SBF2: variants seen among roughly 807,000 people sequenced by gnomAD.
The protein encoded by SBF2 is SET binding factor 2, also known as myotubularin-related protein 13.
SBF2 carries 112 observed loss-of-function variants against 225.2 expected under a neutral mutation model. The ratio of observed to expected loss-of-function variants is 0.50; its 90% CI spans 0.43 to 0.58. The LOEUF (loss-of-function observed/expected upper bound fraction) is 0.58, where lower values mean the gene tolerates loss of function less well. SBF2 is among the 20% of genes least tolerant of loss of function. The probability of loss-of-function intolerance (pLI) is 0.00; values close to 1 mark genes in which losing one functional copy is unlikely to be tolerated. For synonymous variants in SBF2, 763 were observed against 773.3 expected (o/e 0.99, Z 0.22); for missense variants, 1,996 against 2,206.2 (o/e 0.90, Z 1.91).
At chr11:9,980,961 T>C (rs557671878) in intron 13 of SBF2, among the ~76,000 whole-genome samples, 1 of 152,344 alleles carries the variant, frequency 6.6e-6, no homozygotes, top group African/African-American at 2.4e-5. Flanking sequence ...CTTTGTTCTC[T>C]TTCAAAAAAG....
chr11:9,959,129 G>T, intron 16 of SBF2: 4 of 1,017,186 alleles, frequency 3.9e-6, no homozygotes, highest in Non-Finnish European at 6.2e-6. Context: ...TCACATACAC[G>T]ATGTAAGATG....
At chr11:10,204,732 G>T (rs922664870) in intron 1 of SBF2, among the ~76,000 whole-genome samples, 1 of 151,662 alleles carries the variant, frequency 6.6e-6, no homozygotes, top group Admixed American at 6.6e-5. Flanking sequence ...TATGCTAATT[G>T]AAAGAAACCA....
At chr11:10,130,712 C>T (rs1954001348) in intron 2 of SBF2, among the ~76,000 whole-genome samples, 1 of 152,138 alleles carries the variant, frequency 6.6e-6, no homozygotes, top group African/African-American at 2.4e-5. Context: ...CCACAAAAAT[C>T]CCATGACTAC....
rs746685729 is a variant in SBF2, at chr11:9,993,929, T to C, written c.1045A>G (p.Lys349Glu). The C allele has an allele frequency of 9.0e-6, 12 of 1,333,480 alleles. No homozygotes were observed. The highest frequency in any genetic ancestry group is 1.3e-5 in the Non-Finnish European group (12 of 923,802). The allele number at this position is 1,333,480 out of a possible 1,614,324, so 82.6% of individuals were successfully genotyped here. Residue 349 changes from lysine to glutamate, a missense_variant, in exon 10 of 40, where the codon AAA (lysine) becomes GAA (glutamate). Coordinates refer to ENST00000256190, the MANE Select transcript of SBF2 (RefSeq NM_030962.4). ...PPPRTALSHS[K>E]MLDKEVRAVF... ...AATATTAAACTTCTTACCAGCATTT[T>C]TGAGTGGGATAAAGCTGTTCGTGGA...
chr11:10,045,600 A>AG (rs1949829026), intron 2 of SBF2, among the ~76,000 whole-genome samples: 1 of 152,214 alleles, frequency 6.6e-6, no homozygotes, highest in Non-Finnish European at 1.5e-5. Context: ...GTCCACGTTC[A>AG]ATTGAGTTCA....
chr11:9,849,119 T>C lies in SBF2; in HGVS notation c.2806+904A>G, dbSNP rs149504236. On this transcript the variant is annotated intron_variant, in intron 22 of 39. Transcript: ENST00000256190. ...AAAGAAATACACAGATGCCTGGGTC[T>C]CCCTATTTCTACTGCTTCAGATTCT... 2.4e-4 allele frequency among the ~76,000 whole-genome samples: 36 copies of C among 152,316 alleles called. 1 individual carries two copies. The highest frequency in any genetic ancestry group is 8.4e-4 in the African/African-American group (35 of 41,578).
At position 10,115,878 on chromosome 11, in the gene SBF2, T is replaced by C. The variant is rs189489407; in HGVS notation, c.142-72897A>G. 1.6e-4 allele frequency among the ~76,000 whole-genome samples: 24 copies of C among 152,284 alleles called. No homozygotes were observed. In the East Asian group the frequency reaches 4.6e-3, roughly 29 times the overall value. ...ACAATTGTACATATAAAATATTTGTTTATCTGGGCCAGGTGCGGTGGCTCA... is the reference window on the plus strand; with the variant it reads ...ACAATTGTACATATAAAATATTTGTCTATCTGGGCCAGGTGCGGTGGCTCA... On this transcript the variant is annotated intron_variant, in intron 2 of 39. Transcript: ENST00000256190.
At chr11:9,861,402 G>A (rs751437711) in intron 17 of SBF2, among the ~76,000 whole-genome samples, 2 of 152,114 alleles carry the variant, frequency 1.3e-5, no homozygotes, top group African/African-American at 2.4e-5. Flanking sequence ...AGTGGCTCAC[G>A]CCTGTAATCC....
intron 16 of SBF2, chr11:9,959,210 C>A: frequency 2.6e-6 from 2 of 778,896 alleles, no homozygotes; most frequent in South Asian, 1.4e-5. Context: ...TTCCACTGGG[C>A]AGGCATGACC....
At chr11:10,034,559 T>C (rs975861156) in intron 3 of SBF2, among the ~76,000 whole-genome samples, 1 of 152,212 alleles carries the variant, frequency 6.6e-6, no homozygotes, top group Non-Finnish European at 1.5e-5. Flanking sequence ...GACCCTTTTA[T>C]CCTTAAAGAA....
In SBF2 at chr11:9,994,568, A is replaced by G. The variant is rs998871510; in HGVS notation, c.976-570T>C. ...ATAAAACAAAATAAACCCTAAATCTATATATGTACATATATATATATATAT... is the reference window on the plus strand; with the variant it reads ...ATAAAACAAAATAAACCCTAAATCTGTATATGTACATATATATATATATAT... On this transcript the variant is annotated intron_variant, in intron 9 of 39. Coordinates refer to ENST00000256190, the MANE Select transcript of SBF2 (RefSeq NM_030962.4). Among the ~76,000 whole-genome samples the G allele has an allele frequency of 1.2e-4, 17 of 144,342 alleles. 1 individual carries two copies. Among genetic ancestry groups the G allele is most frequent in the East Asian group, 4.1e-4 (2 of 4,924 alleles). The allele number at this position is 144,342 out of a possible 152,430, so 94.7% of individuals were successfully genotyped here. A position where few individuals can be genotyped will look rare whatever the true frequency, so the allele number is the denominator to read the frequency against.
intron 2 of SBF2, among the ~76,000 whole-genome samples, chr11:10,095,042 C>T (rs1296725004): frequency 6.6e-6 from 1 of 151,948 alleles, no homozygotes; most frequent in Non-Finnish European, 1.5e-5. Flanking sequence ...CCTACCTTGG[C>T]TTTCTGAGTA....
chr11:10,077,540 G>C (rs1301862786), intron 2 of SBF2, among the ~76,000 whole-genome samples: 1 of 152,166 alleles, frequency 6.6e-6, no homozygotes, highest in African/African-American at 2.4e-5. Context: ...ATGGGGAAAG[G>C]ATTCCCTATT....
At chr11:10,095,134 G>A (rs1304977563) in intron 2 of SBF2, among the ~76,000 whole-genome samples, 1 of 152,008 alleles carries the variant, frequency 6.6e-6, no homozygotes, top group South Asian at 2.1e-4. Context: ...TGTTGCCCAG[G>A]CTAGTCTGAA....
rs770537685 is a variant in SBF2 at position 9,808,883 on chromosome 11, AT to A, written c.4257+17del. On this transcript the variant is annotated intron_variant, in intron 31 of 39. Coordinates refer to ENST00000256190, the MANE Select transcript of SBF2 (RefSeq NM_030962.4). ...AAATATAAATATAAAATATCAAAAA[AT>A]ATGTCTAATAGTTTACTTGTGCAGT... The A allele has an allele frequency of 1.1e-4, 166 of 1,536,460 alleles. 2 individuals are homozygous for A. The highest frequency in any genetic ancestry group is 8.5e-4 in the South Asian group (75 of 88,746).
chr11:10,044,867 C>T (rs1590826387), intron 2 of SBF2, among the ~76,000 whole-genome samples: 1 of 152,182 alleles, frequency 6.6e-6, no homozygotes, highest in Non-Finnish European at 1.5e-5. Context: ...GCAGGGAGCA[C>T]CCTTCTGCAG....
intron 13 of SBF2, among the ~76,000 whole-genome samples, chr11:9,979,245 A>G (rs969416234): frequency 6.6e-6 from 1 of 152,166 alleles, no homozygotes; most frequent in East Asian, 1.9e-4. Flanking sequence ...ATTGTATGTA[A>G]AGTGCTTAAT....
At chr11:10,122,804 G>A (rs1953539300) in intron 2 of SBF2, among the ~76,000 whole-genome samples, 1 of 152,162 alleles carries the variant, frequency 6.6e-6, no homozygotes, top group Non-Finnish European at 1.5e-5. Context: ...CTTCATACCT[G>A]CACACTTACA....
At chr11:10,280,757 G>T (rs975400287) in intron 1 of SBF2, among the ~76,000 whole-genome samples, 3 of 151,212 alleles carry the variant, frequency 2.0e-5, no homozygotes, top group Non-Finnish European at 4.4e-5. Context: ...GTGTACTGCA[G>T]TATGGGCATG....
Sources: gnomAD v4.1 joint callset for allele counts (sites outside exome capture counted in the v4.1 genomes callset) on GRCh38, gnomAD v4.1.1 for gene constraint, MANE v1.5 for transcripts, NCBI Gene and HGNC (gene_info 2026-07-23, HGNC 2026-07-21) for gene names.